Variants in MAP3K1 observed in about 807,000 individuals in gnomAD.
The protein encoded by MAP3K1 is MAP/ERK kinase kinase 1.
In MAP3K1, 36 loss-of-function variants were observed where a neutral mutation model predicts 144.2. The ratio of observed to expected loss-of-function variants is 0.25; its 90% CI spans 0.19 to 0.33. MAP3K1 has a LOEUF of 0.33. Ranked by LOEUF, MAP3K1 falls within the 10% of genes least tolerant of loss-of-function variation. MAP3K1 has a pLI of 1.00. For missense variants in MAP3K1, 1,650 were observed against 1,881.9 expected (o/e 0.88, Z 2.28); for synonymous variants, 718 against 688.7 (o/e 1.04, Z -0.67).
rs1331042426 is a variant in MAP3K1, at chr5:56,815,929, G to C, written c.356G>C (p.Arg119Pro). 2 of 1,261,368 alleles carry C rather than the reference G, an allele frequency of 1.6e-6. No homozygotes were observed. Among genetic ancestry groups the C allele is most frequent in the Non-Finnish European group, 2.0e-6 (2 of 1,005,862 alleles). 78.1% of individuals were successfully genotyped at this position (1,261,368 alleles called of 1,614,324 possible). A position where few individuals can be genotyped will look rare whatever the true frequency, so the allele number is the denominator to read the frequency against. ...CCGCCGCCCCACGGAGCCGCGAGCC[G>C]CGGCGGCGCCCACCTTACCGAGTCG... The part of the protein sequence containing the change: ...AVPPPHGAAS[R>P]GGAHLTESVA... Residue 119 changes from arginine (R) to proline (P), a missense_variant, in exon 1 of 20, where the codon CGC becomes CCC. Transcript: ENST00000399503.
In MAP3K1 at chr5:56,881,625, C is replaced by T. The variant is rs2111941071; in HGVS notation, c.2425C>T (p.His809Tyr). 1.2e-6 allele frequency: 2 copies of T among 1,613,990 alleles called. No individual in the cohort carries two copies. Among genetic ancestry groups the T allele is most frequent in the South Asian group, 2.2e-5 (2 of 91,080 alleles). Residue 809 changes from histidine (H) to tyrosine (Y), a missense_variant, in exon 14 of 20, where the codon CAC becomes TAC. Transcript: ENST00000399503. Reference sequence around the variant, plus strand: ...TGCTTTGCAGTCCATTGATAATTCCCACTCAATGGTTGGCAAACTTTCCAG... The same window carrying T: ...TGCTTTGCAGTCCATTGATAATTCCTACTCAATGGTTGGCAAACTTTCCAG... ...TFALQSIDNSHSMVGKLSRRI... is the reference protein window; with the variant it reads ...TFALQSIDNSYSMVGKLSRRI...
intron 6 of MAP3K1, among the ~76,000 whole-genome samples, chr5:56,869,365 AAAG>A (rs1262228112): frequency 2.0e-4 from 31 of 152,192 alleles, no homozygotes; most frequent in African/African-American, 7.2e-4. Context: ...TACAAGATGA[AAAG>A]GATACTGGAG....
Position 56,830,818 on chromosome 5 carries a change from T to G in MAP3K1, c.482+14763T>G, listed in dbSNP as rs140147683. Among the ~76,000 whole-genome samples the G allele has an allele frequency of 9.8e-4, 149 of 152,216 alleles. 1 individual carries two copies. Among genetic ancestry groups the G allele is most frequent in the African/African-American group, 3.6e-3 (148 of 41,524 alleles). On this transcript the variant is annotated intron_variant, in intron 1 of 19. Transcript: ENST00000399503. The stretch of plus-strand genomic sequence containing the variant: ...GCACATGAGCTAAATCTTATATTGG[T>G]TAAAGAGTTTAAAAATCTGTCACAA...
chr5:56,870,369 G>C (rs1747815337), intron 6 of MAP3K1, among the ~76,000 whole-genome samples: 1 of 152,054 alleles, frequency 6.6e-6, no homozygotes, highest in South Asian at 2.1e-4. Context: ...TGAAAATACG[G>C]CTATTGATTT....
rs1398668715 is a variant in MAP3K1, at chr5:56,895,539, T to C, written c.*1859T>C. On this transcript the variant is annotated 3_prime_UTR_variant, in exon 20 of 20. Transcript: ENST00000399503. ...TGTAAACTGTATAAACTGAGGAACCTCAGCTAATCAGTATTACTTTGTAGA... is the reference window on the plus strand; with the variant it reads ...TGTAAACTGTATAAACTGAGGAACCCCAGCTAATCAGTATTACTTTGTAGA... 8.6e-6 allele frequency: 2 copies of C among 232,050 alleles called. No homozygotes were observed. Among genetic ancestry groups the C allele is most frequent in the Non-Finnish European group, 1.7e-5 (2 of 117,372 alleles). 14.4% of individuals were successfully genotyped at this position (232,050 alleles called of 1,614,324 possible). A position where few individuals can be genotyped will look rare whatever the true frequency, so the allele number is the denominator to read the frequency against.
intron 1 of MAP3K1, among the ~76,000 whole-genome samples, chr5:56,849,740 T>C (rs1488236618): frequency 7.2e-6 from 1 of 139,828 alleles, no homozygotes; most frequent in East Asian, 1.9e-4. Flanking sequence ...TGTCCTAGTA[T>C]TGAGATAAAG....
chr5:56,853,792 C>T (rs1747249630), intron 1 of MAP3K1, among the ~76,000 whole-genome samples: 2 of 152,172 alleles, frequency 1.3e-5, no homozygotes, highest in South Asian at 2.1e-4. Flanking sequence ...GTTATTGAGG[C>T]AGTGAAGAAG....
At chr5:56,844,183 GTTTT>G (rs770169813) in intron 1 of MAP3K1, among the ~76,000 whole-genome samples, 31 of 76,112 alleles carry the variant, frequency 4.1e-4, no homozygotes, top group African/African-American at 1.7e-3. Context: ...GTTTTTTTTG[GTTTT>G]TTTTTTTTTT....
chr5:56,851,587 G>T (rs896065452), intron 1 of MAP3K1, among the ~76,000 whole-genome samples: 1 of 152,104 alleles, frequency 6.6e-6, no homozygotes, highest in East Asian at 1.9e-4. Flanking sequence ...TTCTGTCTCA[G>T]TGTTTCTACT....
In MAP3K1 at chr5:56,893,511, C is replaced by G. The variant is rs780419461; in HGVS notation, c.4390-20C>G. The G allele has an allele frequency of 6.2e-7, 1 of 1,613,332 alleles. No homozygotes were observed. On this transcript the variant is annotated intron_variant, in intron 19 of 19. Coordinates refer to ENST00000399503, the MANE Select transcript of MAP3K1 (RefSeq NM_005921.2). ...AAGTTACAGTTGTGCAAAGCTTCAACACTGGCTTTTTCTCCACAGATTGCT... is the reference window on the plus strand; with the variant it reads ...AAGTTACAGTTGTGCAAAGCTTCAAGACTGGCTTTTTCTCCACAGATTGCT...
chr5:56,856,891 G>C (rs1222741451), intron 2 of MAP3K1, 141 bp downstream of exon 2: 1 of 904,924 alleles, frequency 1.1e-6, no homozygotes, highest in Non-Finnish European at 1.7e-6. Context: ...TGGTCATTTG[G>C]AAGAAACCAT....
Position 56,882,296 on chromosome 5 carries a change from C to T in MAP3K1, c.3096C>T (p.Asn1032=), listed in dbSNP as rs761930383. The part of the protein sequence containing the change: ...QRKFSLQFHR[N]CPENKDSDKL... ...AGTTTTCTCTACAATTCCACAGAAA[C>T]TGTCCTGAAAACAAAGACTCAGATA... is the stretch of plus-strand genomic sequence containing the variant. Residue 1032 remains asparagine, a synonymous_variant, in exon 14 of 20, where the codon AAC becomes AAT. Transcript: ENST00000399503. 2 of 1,614,158 alleles carry T rather than the reference C, an allele frequency of 1.2e-6. No homozygotes were observed. Among genetic ancestry groups the T allele is most frequent in the Non-Finnish European group, 1.7e-6 (2 of 1,180,020 alleles).
intron 1 of MAP3K1, among the ~76,000 whole-genome samples, chr5:56,842,659 G>T (rs1349226439): frequency 1.3e-5 from 2 of 152,186 alleles, no homozygotes; most frequent in African/African-American, 4.8e-5. Flanking sequence ...TTAGAACAAG[G>T]TGTGGCGGGT....
In MAP3K1 at chr5:56,894,165, T is replaced by C. The variant is rs1476621715; in HGVS notation, c.*485T>C. 3.9e-6 allele frequency: 1 copy of C among 255,316 alleles called. No homozygotes were observed. Among genetic ancestry groups the C allele is most frequent in the African/African-American group, 2.2e-5 (1 of 45,782 alleles). 15.8% of individuals were successfully genotyped at this position (255,316 alleles called of 1,614,324 possible). The stretch of plus-strand genomic sequence containing the variant: ...GGTCAGAGTATGCTATGAGTAGCAA[T>C]ACATACATATATTTTTAAAAGTTGA... On this transcript the variant is annotated 3_prime_UTR_variant, in exon 20 of 20. Transcript: ENST00000399503.
intron 1 of MAP3K1, among the ~76,000 whole-genome samples, chr5:56,841,606 G>T (rs1461375547): frequency 6.6e-6 from 1 of 152,188 alleles, no homozygotes; most frequent in African/African-American, 2.4e-5. Context: ...CAGATTTAAC[G>T]ATTAAAAGGA....
intron 17 of MAP3K1, 83 bp downstream of exon 17, chr5:56,886,146 G>A (rs1022998032): frequency 6.3e-6 from 7 of 1,102,528 alleles, no homozygotes; most frequent in African/African-American, 4.7e-5. Context: ...GCTCACACCT[G>A]TAATCCCAGT....
At chr5:56,857,309 T>C (rs577240691) in intron 2 of MAP3K1, among the ~76,000 whole-genome samples, 19 of 152,198 alleles carry the variant, frequency 1.2e-4, no homozygotes, top group African/African-American at 4.6e-4. Context: ...GTGTGGGGTT[T>C]GATGAAAGAA....
rs1002691045 is a variant in MAP3K1, at chr5:56,893,876, T to G, written c.*196T>G. 8.1e-6 allele frequency: 5 copies of G among 620,318 alleles called. No individual in the cohort carries two copies. The Admixed American group carries it at 1.0e-4, about 13-fold the overall frequency. 38.4% of individuals were successfully genotyped at this position (620,318 alleles called of 1,614,324 possible). A position where few individuals can be genotyped will look rare whatever the true frequency, so the allele number is the denominator to read the frequency against. Reference sequence around the variant, plus strand: ...AAGCTCAGTATGCAAAAGCCCAAACTAGTGCAGAAACTGTAAACTGTGCCT... The same window carrying G: ...AAGCTCAGTATGCAAAAGCCCAAACGAGTGCAGAAACTGTAAACTGTGCCT... On this transcript the variant is annotated 3_prime_UTR_variant, in exon 20 of 20. Coordinates refer to ENST00000399503, the MANE Select transcript of MAP3K1 (RefSeq NM_005921.2).
intron 4 of MAP3K1, 138 bp downstream of exon 4, chr5:56,865,072 C>T: frequency 1.1e-6 from 1 of 869,854 alleles, no homozygotes; most frequent in East Asian, 2.7e-5. Context: ...GTATTTTAGG[C>T]TAATATTTTT....
Sources: gnomAD v4.1 joint callset for allele counts (sites outside exome capture counted in the v4.1 genomes callset) on GRCh38, gnomAD v4.1.1 for gene constraint, MANE v1.5 for transcripts, NCBI Gene and HGNC (gene_info 2026-07-23, HGNC 2026-07-21) for gene names.